Variants in ROBO1 observed in about 807,000 individuals in gnomAD.
ROBO1 encodes roundabout guidance receptor 1, also known as roundabout homolog 1.
Under a neutral mutation model 195.9 loss-of-function variants are expected in ROBO1, and 149 were observed. The observed-to-expected ratio is 0.76, with a 90% CI of 0.67 to 0.87. ROBO1 has a LOEUF of 0.87. Ranked by LOEUF, ROBO1 falls within the 40% of genes least tolerant of loss-of-function variation. The probability of loss-of-function intolerance (pLI) is 0.00; values close to 1 mark genes in which losing one functional copy is unlikely to be tolerated. For missense variants in ROBO1, 1,933 were observed against 2,068.3 expected, an observed-to-expected ratio of 0.93 and a Z score of 1.27; for synonymous variants, 816 against 733.2, an observed-to-expected ratio of 1.11 and a Z score of -1.82.
chr3:78,616,629 A>C (rs141298666), intron 27 of ROBO1, among the ~76,000 whole-genome samples: 677 of 152,266 alleles, frequency 4.4e-3, no homozygotes, highest in Non-Finnish European at 8.1e-3. Context: ...AATTAAGAAA[A>C]ATAAAACAGT....
At chr3:78,991,892 A>C (rs1028001271) in intron 3 of ROBO1, among the ~76,000 whole-genome samples, 2 of 152,190 alleles carry the variant, frequency 1.3e-5, no homozygotes, top group African/African-American at 4.8e-5. Context: ...ATGGAAAAAA[A>C]TACTAGACAA....
chr3:78,773,647 A>G (rs1288851389), intron 4 of ROBO1, among the ~76,000 whole-genome samples: 3 of 152,194 alleles, frequency 2.0e-5, no homozygotes, highest in African/African-American at 7.2e-5. Flanking sequence ...AGGAAAGAAA[A>G]AAGAAAAAAA....
chr3:79,414,771 A>T (rs765363379), intron 2 of ROBO1, among the ~76,000 whole-genome samples: 1 of 152,182 alleles, frequency 6.6e-6, no homozygotes, highest in Non-Finnish European at 1.5e-5. Flanking sequence ...CTAGAAACAC[A>T]TTCAAAGACT....
chr3:79,607,265 T>C (rs979673003), intron 1 of ROBO1, among the ~76,000 whole-genome samples: 1 of 151,394 alleles, frequency 6.6e-6, no homozygotes, highest in African/African-American at 2.4e-5. Context: ...CTTTTATCTT[T>C]GTGAATAAAT....
chr3:79,314,433 G>A (rs1187468784), intron 2 of ROBO1, among the ~76,000 whole-genome samples: 2 of 152,134 alleles, frequency 1.3e-5, no homozygotes, highest in African/African-American at 4.8e-5. Flanking sequence ...TTCATAAGGG[G>A]CTTTTCCCCT....
At chr3:78,707,824 C>G (rs2081589976) in intron 8 of ROBO1, among the ~76,000 whole-genome samples, 1 of 152,138 alleles carries the variant, frequency 6.6e-6, no homozygotes. Flanking sequence ...CTGGCTGGCC[C>G]TGCACTCAGC....
chr3:79,522,056 A>G (rs138631921), intron 2 of ROBO1, among the ~76,000 whole-genome samples: 1,896 of 152,296 alleles, frequency 0.012, 30 homozygotes, highest in Middle Eastern at 0.048. Context: ...GAAGTTAATA[A>G]CAACAAAACA....
At chr3:79,030,167 A>T (rs1321544224) in intron 3 of ROBO1, among the ~76,000 whole-genome samples, 1 of 152,146 alleles carries the variant, frequency 6.6e-6, no homozygotes, top group African/African-American at 2.4e-5. Flanking sequence ...AGTTTACTCC[A>T]TTTCAGTATT....
At chr3:79,433,574 G>A (rs1205179907) in intron 2 of ROBO1, among the ~76,000 whole-genome samples, 1 of 151,688 alleles carries the variant, frequency 6.6e-6, no homozygotes, top group African/African-American at 2.4e-5. Context: ...TTAAAACAAG[G>A]TTCCATGTTC....
chr3:78,890,858 CT>C (rs1260184992), intron 4 of ROBO1, among the ~76,000 whole-genome samples: 2 of 152,050 alleles, frequency 1.3e-5, no homozygotes, highest in African/African-American at 4.8e-5. Context: ...ACCTCCTAGG[CT>C]CAAGTGATCC....
At chr3:79,174,640 C>T (rs1009477764) in intron 2 of ROBO1, among the ~76,000 whole-genome samples, 5 of 151,734 alleles carry the variant, frequency 3.3e-5, no homozygotes, top group African/African-American at 9.7e-5. Context: ...TGATAGCAAA[C>T]GGTGAATACA....
chr3:79,399,154 A>G (rs551497378), intron 2 of ROBO1, among the ~76,000 whole-genome samples: 73 of 152,294 alleles, frequency 4.8e-4, no homozygotes, highest in African/African-American at 1.6e-3. Context: ...CTGAGGCAGC[A>G]GTAAGGAGAG....
At chr3:78,808,163 G>A (rs1219771167) in intron 4 of ROBO1, among the ~76,000 whole-genome samples, 3 of 152,048 alleles carry the variant, frequency 2.0e-5, no homozygotes, top group Non-Finnish European at 2.9e-5. Context: ...CAACAACTGG[G>A]TTCAACACAT....
chr3:78,627,394 G>A lies in ROBO1; in HGVS notation c.3802C>T (p.Gln1268Ter). The change falls in exon 26 of 31, where the codon CAG (glutamine) becomes TAG (stop). Residue 1268 changes from glutamine to a stop codon, truncating the protein, a stop_gained. Transcript: ENST00000464233. LOFTEE classifies it high-confidence loss of function. Reference protein sequence around the residue: ...QSTATLTPSPQEELQPMLQDC... With the variant: ...QSTATLTPSP ...TGTAACATGGGCTGGAGTTCTTCCT[G>A]TGGGGAGGGAGTCAGAGTGGCAGTG... The A allele has an allele frequency of 6.2e-7, 1 of 1,612,676 alleles. No individual in the cohort carries two copies. The highest frequency in any genetic ancestry group is 8.5e-7 in the Non-Finnish European group (1 of 1,179,334).
intron 3 of ROBO1, among the ~76,000 whole-genome samples, chr3:79,064,282 C>T (rs1576631591): frequency 6.6e-6 from 1 of 151,826 alleles, no homozygotes; most frequent in East Asian, 1.9e-4. Flanking sequence ...TTCAGTATTC[C>T]ACAGAGATTT....
chr3:79,153,084 G>C (rs537002725), intron 2 of ROBO1, among the ~76,000 whole-genome samples: 2 of 151,826 alleles, frequency 1.3e-5, no homozygotes, highest in African/African-American at 4.8e-5. Context: ...CTTGCCTGTT[G>C]TGTGGAGGAC....
chr3:79,321,219 G>A (rs1380001684), intron 2 of ROBO1, among the ~76,000 whole-genome samples: 2 of 151,754 alleles, frequency 1.3e-5, no homozygotes, highest in African/African-American at 2.4e-5. Context: ...GTCAAAAATT[G>A]TAAAGTATTG....
chr3:79,165,688 G>A (rs761116134), intron 2 of ROBO1, among the ~76,000 whole-genome samples: 19 of 152,124 alleles, frequency 1.2e-4, no homozygotes, highest in Non-Finnish European at 2.1e-4. Flanking sequence ...CAGAATTTGG[G>A]TATCTATAAT....
chr3:79,620,903 T>C (rs1944986849), intron 1 of ROBO1, among the ~76,000 whole-genome samples: 1 of 152,138 alleles, frequency 6.6e-6, no homozygotes, highest in Non-Finnish European at 1.5e-5. Context: ...TCTCCTGTCC[T>C]ACCTGTCCAG....
Sources: allele counts gnomAD v4.1 joint callset (sites outside exome capture counted in the v4.1 genomes callset), GRCh38; gene constraint gnomAD v4.1.1; transcripts MANE v1.5; gene names NCBI Gene and HGNC (gene_info 2026-07-23, HGNC 2026-07-21).